SPATA6: variants seen among roughly 807,000 people sequenced by gnomAD.
SPATA6 encodes the protein spermatogenesis associated 6, also known as spermatogenesis-associated protein 6.
Under a neutral mutation model 65.3 loss-of-function variants are expected in SPATA6, and 56 were observed. That is an observed-to-expected ratio of 0.86 (90% CI 0.69 to 1.07). The LOEUF (loss-of-function observed/expected upper bound fraction) is 1.07. Ranked by LOEUF, SPATA6 falls within the 50% of genes least tolerant of loss-of-function variation. SPATA6 has a pLI of 0.00. For missense variants in SPATA6, 590 were observed against 594.8 expected, an observed-to-expected ratio of 0.99 and a Z score of 0.08; for synonymous variants, 199 against 213.2, an observed-to-expected ratio of 0.93 and a Z score of 0.58.
chr1:48,268,953 C>T, the SPATA6 span, among the ~76,000 whole-genome samples: 2 of 152,062 alleles, frequency 1.3e-5, no homozygotes, highest in African/African-American at 4.8e-5. Context: ...AGTAACCATC[C>T]TAGGTGGGTA....
At chr1:48,364,712 GAGT>G (rs1646938994) in intron 9 of SPATA6, among the ~76,000 whole-genome samples, 1 of 152,176 alleles carries the variant, frequency 6.6e-6, no homozygotes, top group Admixed American at 6.5e-5. Flanking sequence ...TTTGGCAGAT[GAGT>G]AGGTTGCGAA....
chr1:48,431,435 T>C (rs983323054), intron 3 of SPATA6, among the ~76,000 whole-genome samples: 1 of 152,088 alleles, frequency 6.6e-6, no homozygotes, highest in Non-Finnish European at 1.5e-5. Context: ...CTAACAGATA[T>C]TTACCAAACA....
intron 8 of SPATA6, among the ~76,000 whole-genome samples, chr1:48,386,185 T>C (rs894981657): frequency 2.6e-5 from 4 of 152,200 alleles, no homozygotes; most frequent in African/African-American, 7.2e-5. Context: ...GATGATAACA[T>C]GATACACTTC....
At chr1:48,294,779 G>A (rs1467107777), downstream of SPATA6, among the ~76,000 whole-genome samples, 5 of 152,090 alleles carry the variant, frequency 3.3e-5, no homozygotes, top group African/African-American at 1.2e-4. Context: ...AGACTTCTTT[G>A]TAGTTCTCTT....
chr1:48,283,255 G>A, the SPATA6 span, among the ~76,000 whole-genome samples: 1 of 151,298 alleles, frequency 6.6e-6, no homozygotes, highest in African/African-American at 2.4e-5. Flanking sequence ...GATGGGTGTA[G>A]CACACCAGCA....
chr1:48,305,745 T>C (rs749176106), intron 12 of SPATA6, 42 bp downstream of exon 12: 3 of 1,432,922 alleles, frequency 2.1e-6, no homozygotes, highest in African/African-American at 1.4e-5. Flanking sequence ...CAGTTATTTT[T>C]ATCAGAACTA....
At chr1:48,377,833 G>A (rs1405740206) in intron 9 of SPATA6, among the ~76,000 whole-genome samples, 2 of 152,178 alleles carry the variant, frequency 1.3e-5, no homozygotes, top group African/African-American at 4.8e-5. Flanking sequence ...CTCTTCCAGA[G>A]TAAAATTGTT....
chr1:48,317,337 C>T (rs1019439398), intron 11 of SPATA6, among the ~76,000 whole-genome samples: 4 of 152,130 alleles, frequency 2.6e-5, no homozygotes, highest in Non-Finnish European at 5.9e-5. Context: ...CTGTGGAATA[C>T]TATGCAGCCA....
At chr1:48,467,161 A>G (rs1177475359) in intron 1 of SPATA6, among the ~76,000 whole-genome samples, 1 of 152,242 alleles carries the variant, frequency 6.6e-6, no homozygotes, top group Non-Finnish European at 1.5e-5. Context: ...TCTTAGCAAT[A>G]TATTTTCTCT....
chr1:48,421,647 A>G (rs1052682527), intron 3 of SPATA6, among the ~76,000 whole-genome samples: 6 of 152,184 alleles, frequency 3.9e-5, no homozygotes, highest in East Asian at 3.8e-4. Flanking sequence ...ACTTTACTAT[A>G]TATCAACCCC....
At chr1:48,342,438 A>G (rs922783412) in intron 11 of SPATA6, among the ~76,000 whole-genome samples, 2 of 151,866 alleles carry the variant, frequency 1.3e-5, no homozygotes, top group Non-Finnish European at 1.5e-5. Context: ...ACATGGTGAA[A>G]CCCCTTATCT....
At chr1:48,324,267 T>A (rs905473491) in intron 11 of SPATA6, among the ~76,000 whole-genome samples, 1 of 152,104 alleles carries the variant, frequency 6.6e-6, no homozygotes, top group Admixed American at 6.6e-5. Context: ...AACGCAAACA[T>A]TGGAAGTAGA....
chr1:48,434,890 C>T (rs1015553076), intron 3 of SPATA6, among the ~76,000 whole-genome samples: 2 of 151,916 alleles, frequency 1.3e-5, no homozygotes, highest in African/African-American at 4.8e-5. Flanking sequence ...AAACCATTTC[C>T]TTGAAGAGGA....
chr1:48,411,618 T>C (rs768068819), intron 4 of SPATA6, 30 bp from the exon 5 acceptor site: 2 of 1,486,214 alleles, frequency 1.3e-6, no homozygotes, highest in Non-Finnish European at 1.8e-6. Context: ...TGATTCAAAT[T>C]ATAATAAAAT....
intron 9 of SPATA6, among the ~76,000 whole-genome samples, chr1:48,381,656 T>G (rs1648611530): frequency 6.8e-6 from 1 of 146,500 alleles, no homozygotes; most frequent in African/African-American, 2.5e-5. Context: ...TTCTTTTTTT[T>G]TTTTTTTATA....
At position 48,428,690 on chromosome 1, in the gene SPATA6, T is replaced by C. The variant is rs566684696; in HGVS notation, c.239-15539A>G. On this transcript the variant is annotated intron_variant, in intron 3 of 12. Transcript: ENST00000371847. ...AGGAAGAAGTGGGGGTTGGTCTTGC[T>C]GTCTCAGGAGCGGCAGAGACAGAAG... Among the ~76,000 whole-genome samples the C allele has an allele frequency of 8.0e-4, 121 of 151,854 alleles. 1 individual carries two copies. Among genetic ancestry groups the C allele is most frequent in the African/African-American group, 2.8e-3 (118 of 41,484 alleles).
Position 48,337,069 on chromosome 1 carries a change from C to CA in SPATA6, c.1194+18600dup, listed in dbSNP as rs201365246. 5.2e-3 allele frequency among the ~76,000 whole-genome samples: 788 copies of CA among 151,952 alleles called. 19 individuals are homozygous for CA. The highest frequency in any genetic ancestry group is 0.05 in the South Asian group (242 of 4,818). On this transcript the variant is annotated intron_variant, in intron 11 of 12. Coordinates refer to ENST00000371847, the MANE Select transcript of SPATA6 (RefSeq NM_019073.4). ...ACTATTTCCTTTTTATGAGGTCAGC[C>CA]AAAATCTGAGGAGAATATTACAAGA...
intron 5 of SPATA6, among the ~76,000 whole-genome samples, chr1:48,410,316 A>C (rs1214676478): frequency 6.6e-6 from 1 of 152,152 alleles, no homozygotes; most frequent in Non-Finnish European, 1.5e-5. Flanking sequence ...CTTCATCTGA[A>C]ACAACCTCCG....
the SPATA6 span, among the ~76,000 whole-genome samples, chr1:48,288,469 A>G: frequency 6.6e-6 from 1 of 152,218 alleles, no homozygotes; most frequent in South Asian, 2.1e-4. Context: ...TACTGGGTTC[A>G]TCTCACTGGG....
Sources: allele counts gnomAD v4.1 joint callset (sites outside exome capture counted in the v4.1 genomes callset), GRCh38; gene constraint gnomAD v4.1.1; transcripts MANE v1.5; gene names NCBI Gene and HGNC (gene_info 2026-07-23, HGNC 2026-07-21).